The following SYCE2 variants were observed in gnomAD, a reference collection of about 807,000 sequenced individuals.
SYCE2 encodes central element synaptonemal complex 1.
A neutral mutation model predicts 27.9 loss-of-function variants in SYCE2; 3 were observed. The observed-to-expected ratio is 0.11, with a 90% confidence interval of 0.05 to 0.28. The LOEUF (loss-of-function observed/expected upper bound fraction) is 0.28. SYCE2 is among the 10% of genes least tolerant of loss of function. The probability of loss-of-function intolerance (pLI) is 1.00; values close to 1 mark genes in which losing one functional copy is unlikely to be tolerated. For synonymous variants in SYCE2, 85 were observed against 100.7 expected, an observed-to-expected ratio of 0.84 and a Z score of 0.93; for missense variants, 207 against 263.5, an observed-to-expected ratio of 0.79 and a Z score of 1.48.
At position 12,899,220 on chromosome 19, in the gene SYCE2, G is replaced by A. The variant is rs1240149314; in HGVS notation, c.*121C>T. The A allele has an allele frequency of 1.1e-6, 1 of 933,644 alleles. No homozygotes were observed. The highest frequency in any genetic ancestry group is 1.7e-6 in the Non-Finnish European group (1 of 596,062). The allele number at this position is 933,644 out of a possible 1,614,324, so 57.8% of individuals were successfully genotyped here. On this transcript the variant is annotated 3_prime_UTR_variant, in exon 6 of 6. Coordinates refer to ENST00000293695, the MANE Select transcript of SYCE2 (RefSeq NM_001105578.2). ...TCAGCACAAGGAGCTTTGGGTTTTT[G>A]TTTTTTTCTGCCAAGATGCATTATA...
At chr19:12,906,492 A>C (rs1033197420) in intron 2 of SYCE2, among the ~76,000 whole-genome samples, 1 of 152,234 alleles carries the variant, frequency 6.6e-6, no homozygotes, top group Non-Finnish European at 1.5e-5. Flanking sequence ...ATAATATTCA[A>C]TGTAATAAAA....
At chr19:12,918,541 G>T (rs1291223817) in intron 1 of SYCE2, among the ~76,000 whole-genome samples, 1 of 152,160 alleles carries the variant, frequency 6.6e-6, no homozygotes, top group Admixed American at 6.5e-5. Context: ...GGGACACCAG[G>T]ACACCAGACC....
At chr19:12,918,379 G>C in intron 1 of SYCE2, 42 bp from the exon 2 acceptor site, 1 of 1,565,820 alleles carries the variant, frequency 6.4e-7, no homozygotes, top group African/African-American at 1.4e-5. Flanking sequence ...GGGAGGATGA[G>C]GAGTGAACAG....
intron 2 of SYCE2, among the ~76,000 whole-genome samples, chr19:12,911,475 T>C (rs1803747216): frequency 6.6e-6 from 1 of 152,106 alleles, no homozygotes; most frequent in African/African-American, 2.4e-5. Context: ...GGTCTCACTC[T>C]GTCGCCCAGG....
Position 12,900,105 on chromosome 19 carries a change from T to G in SYCE2, c.511A>C (p.Arg171=), listed in dbSNP as rs1372734111. Residue 171 remains arginine, a synonymous_variant, in exon 5 of 6, where the codon AGA becomes CGA. Coordinates refer to ENST00000293695, the MANE Select transcript of SYCE2 (RefSeq NM_001105578.2). ...CCCCTAGAGTGGTCTGGCCCCCATC[T>G]GAGTCTTAGGCTCTGCTGTAAAAAA... ...CLQPEQSLRL[R]WGPDHSRGKS... is the part of the protein sequence containing the mutation. 1 of 1,611,900 alleles carries G rather than the reference T, an allele frequency of 6.2e-7. No individual in the cohort carries two copies. Among genetic ancestry groups the G allele is most frequent in the African/African-American group, 1.3e-5 (1 of 74,780 alleles).
chr19:12,916,549 C>T (rs947651265), intron 2 of SYCE2, among the ~76,000 whole-genome samples: 5 of 152,148 alleles, frequency 3.3e-5, no homozygotes, highest in Non-Finnish European at 5.9e-5. Context: ...ACTCTACTTG[C>T]TCCTTACTAT....
intron 2 of SYCE2, among the ~76,000 whole-genome samples, chr19:12,915,393 G>A (rs989893647): frequency 1.3e-5 from 2 of 152,088 alleles, no homozygotes; most frequent in Non-Finnish European, 2.9e-5. Context: ...GAGGTCAGGA[G>A]ATTGAGACCA....
At chr19:12,909,366 T>A (rs969934803) in intron 2 of SYCE2, among the ~76,000 whole-genome samples, 12 of 151,978 alleles carry the variant, frequency 7.9e-5, no homozygotes, top group Non-Finnish European at 1.5e-4. Context: ...CATCTGAAAC[T>A]CCACATTTGC....
chr19:12,919,196 ATCTG>A (rs1971197306), intron 1 of SYCE2, 43 bp downstream of exon 1: 6 of 1,606,738 alleles, frequency 3.7e-6, no homozygotes, highest in Non-Finnish European at 5.1e-6. Context: ...TTCCCTGCCT[ATCTG>A]TCCGCCCGCC....
intron 2 of SYCE2, 111 bp downstream of exon 2, chr19:12,918,111 T>A (rs1349986245): frequency 5.8e-6 from 5 of 866,270 alleles, no homozygotes; most frequent in Non-Finnish European, 9.3e-6. Context: ...AGACGCTGTG[T>A]TAGGAGGGAA....
chr19:12,900,350 G>T, intron 4 of SYCE2, 110 bp downstream of exon 4: 2 of 1,244,744 alleles, frequency 1.6e-6, no homozygotes, highest in Non-Finnish European at 1.1e-6. Flanking sequence ...CAGGGACTGT[G>T]GCCTGGCGGG....
At chr19:12,909,755 G>A (rs1445380773) in intron 2 of SYCE2, among the ~76,000 whole-genome samples, 2 of 151,534 alleles carry the variant, frequency 1.3e-5, no homozygotes, top group Admixed American at 6.6e-5. Flanking sequence ...TAGTAGAGAC[G>A]GAGTTTCTCC....
chr19:12,909,255 GATTCTATCATCTAA>G (rs1052002999), intron 2 of SYCE2, among the ~76,000 whole-genome samples: 2 of 152,050 alleles, frequency 1.3e-5, no homozygotes, highest in Non-Finnish European at 2.9e-5. Context: ...CCACACTTTG[GATTCTATCATCTAA>G]ATTCTATCAT....
intron 3 of SYCE2, among the ~76,000 whole-genome samples, chr19:12,902,803 G>C (rs555953338): frequency 6.6e-6 from 1 of 151,844 alleles, no homozygotes. Context: ...CAACAGCAAG[G>C]CTTGTCTCAA....
intron 2 of SYCE2, among the ~76,000 whole-genome samples, chr19:12,910,802 C>T (rs1433966707): frequency 4.6e-5 from 7 of 151,444 alleles, no homozygotes; most frequent in South Asian, 4.2e-4. Context: ...CTCAGCCTCC[C>T]GAGTAGCTGG....
intron 2 of SYCE2, among the ~76,000 whole-genome samples, chr19:12,915,668 A>C (rs559906971): frequency 6.6e-6 from 1 of 151,678 alleles, no homozygotes; most frequent in African/African-American, 2.4e-5. Flanking sequence ...TTACTGAAAA[A>C]ACCTCTAGGA....
rs1555755616 is a variant in SYCE2, at chr19:12,918,963, A to AAAG, written c.15+279_15+280insCTT. On this transcript the variant is annotated intron_variant, in intron 1 of 5. Transcript: ENST00000293695. Reference sequence around the variant, plus strand: ...GATACTTCGTCTCAAAAAAAAAAAAAAAAAGAAATGAAAGAAACGGGTGCG... The same window carrying AAAG: ...GATACTTCGTCTCAAAAAAAAAAAAAAAGAAAAGAAATGAAAGAAACGGGTGCG... Among the ~76,000 whole-genome samples, 9 of 148,790 alleles carry AAAG rather than the reference A, an allele frequency of 6.0e-5. No homozygotes were observed. In the South Asian group the frequency reaches 1.5e-3, roughly 24 times the overall value.
chr19:12,918,927 G>C (rs1971189457), intron 1 of SYCE2, among the ~76,000 whole-genome samples: 1 of 150,582 alleles, frequency 6.6e-6, no homozygotes. Flanking sequence ...CTCCAGACTG[G>C]GCGACAGAGT....
intron 2 of SYCE2, among the ~76,000 whole-genome samples, chr19:12,915,414 C>T (rs1475084123): frequency 6.7e-6 from 1 of 149,430 alleles, no homozygotes; most frequent in African/African-American, 2.5e-5. Context: ...TCCTGGCTAA[C>T]ACGGTGAAAC....
Sources: gnomAD v4.1 joint callset for allele counts (sites outside exome capture counted in the v4.1 genomes callset) on GRCh38, gnomAD v4.1.1 for gene constraint, MANE v1.5 for transcripts, NCBI Gene and HGNC (gene_info 2026-07-23, HGNC 2026-07-21) for gene names.